Variants in TPM2 observed in about 807,000 individuals in gnomAD.
The protein encoded by TPM2 is tropomyosin 2.
In TPM2, 26 loss-of-function variants were observed where a neutral mutation model predicts 41.0. That is an observed-to-expected ratio of 0.63 (90% CI 0.46 to 0.88). The LOEUF (loss-of-function observed/expected upper bound fraction) is 0.88. Ranked by LOEUF, TPM2 falls within the 40% of genes least tolerant of loss-of-function variation. TPM2 has a pLI of 0.00. For synonymous variants in TPM2, 143 were observed against 139.3 expected (o/e 1.03, Z -0.19); for missense variants, 187 against 355.2 (o/e 0.53, Z 3.81).
At chr9:35,689,400 A>G in intron 1 of TPM2, 129 bp from the exon 2 acceptor site, 1 of 1,495,230 alleles carries the variant, frequency 6.7e-7, no homozygotes, top group Middle Eastern at 2.4e-4. Flanking sequence ...CATAAAAGGG[A>G]CAGTACAGTC....
intron 8 of TPM2, 51 bp downstream of exon 8, chr9:35,684,195 C>T: frequency 6.3e-7 from 1 of 1,577,892 alleles, no homozygotes. Flanking sequence ...AGGTACAGGA[C>T]AGACTGATAA....
intron 2 of TPM2, among the ~76,000 whole-genome samples, chr9:35,687,847 C>T (rs1202011106): frequency 6.6e-6 from 1 of 152,172 alleles, no homozygotes; most frequent in Admixed American, 6.5e-5. Flanking sequence ...TTTCCTGCCT[C>T]TCAAGCTCTT....
intron 8 of TPM2, among the ~76,000 whole-genome samples, chr9:35,683,686 A>T (rs778063027): frequency 1.3e-4 from 20 of 152,382 alleles, no homozygotes; most frequent in Middle Eastern, 3.4e-3. Flanking sequence ...AACTTTAGCC[A>T]CATCATCATT....
chr9:35,682,594 C>T, downstream of TPM2: 1 of 1,255,872 alleles, frequency 8.0e-7, no homozygotes. Flanking sequence ...AGACCTTTTG[C>T]AACCTTCTTG....
At chr9:35,689,604 A>C (rs1362755555) in intron 1 of TPM2, 100 bp downstream of exon 1, 9 of 1,589,314 alleles carry the variant, frequency 5.7e-6, no homozygotes, top group African/African-American at 1.3e-5. Context: ...TGGGTGAGAG[A>C]GAGCCTTGGC....
intron 8 of TPM2, 70 bp downstream of exon 8, chr9:35,684,176 G>A: frequency 1.3e-6 from 2 of 1,510,686 alleles, no homozygotes; most frequent in Non-Finnish European, 1.8e-6. Context: ...CAAATAAAAT[G>A]GGATGAGAAG....
chr9:35,684,224 T>C (rs768318280), intron 8 of TPM2, 22 bp downstream of exon 8: 2 of 1,612,340 alleles, frequency 1.2e-6, no homozygotes, highest in Admixed American at 3.3e-5. Context: ...GGTGTGGACC[T>C]ACTTATAAAG....
In TPM2 at chr9:35,682,960, G is replaced by A. The variant is rs965743785; in HGVS notation, c.*199C>T. On this transcript the variant is annotated 3_prime_UTR_variant, in exon 9 of 9. Coordinates refer to ENST00000645482, the MANE Select transcript of TPM2 (RefSeq NM_003289.4). ...AGTTCAGAATTTATTAAGCAGCAAA[G>A]GAGGGTGGAAGGGGATAGGTAAAGG... 1.7e-4 allele frequency: 252 copies of A among 1,516,672 alleles called. 1 individual carries two copies. The East Asian group carries it at 6.1e-3, about 37-fold the overall frequency. The allele number at this position is 1,516,672 out of a possible 1,614,324, so 94.0% of individuals were successfully genotyped here.
intron 5 of TPM2, 21 bp from the exon 6 acceptor site, chr9:35,684,828 G>GT (rs1457501801): frequency 3.1e-6 from 5 of 1,613,546 alleles, no homozygotes; most frequent in Non-Finnish European, 3.4e-6. Flanking sequence ...TGTGTGGCGG[G>GT]GGGGGCAGGG....
rs1340244870 is a variant in TPM2, at chr9:35,683,094, T to A, written c.*65A>T. ...TTTCTGCTCCTCCTGCCTGCTCCCC[T>A]CCCCATAGAGAGAATGGAAAGGAGA... On this transcript the variant is annotated 3_prime_UTR_variant, in exon 9 of 9. Transcript: ENST00000645482. The A allele has an allele frequency of 6.4e-6, 10 of 1,551,520 alleles. No homozygotes were observed. Among genetic ancestry groups the A allele is most frequent in the Non-Finnish European group, 8.7e-6 (10 of 1,146,958 alleles).
chr9:35,687,576 TCTTC>T (rs1824994222), intron 2 of TPM2, among the ~76,000 whole-genome samples: 1 of 151,904 alleles, frequency 6.6e-6, no homozygotes, highest in Non-Finnish European at 1.5e-5. Context: ...TGGTAGCTTG[TCTTC>T]CAGGTGCTGA....
downstream of TPM2, chr9:35,682,544 CCATGTTGCTGATATCCAA>C: frequency 8.0e-7 from 1 of 1,247,352 alleles, no homozygotes; most frequent in South Asian, 1.5e-5. Flanking sequence ...AGTGAAAGCC[CCATGTTGCTGATATCCAA>C]CATTTTTCCA....
At chr9:35,682,035 T>G, downstream of TPM2, 1 of 1,596,840 alleles carries the variant, frequency 6.3e-7, no homozygotes, top group Non-Finnish European at 8.6e-7. Context: ...TCAGTTTTAT[T>G]GGGTTGGGGT....
chr9:35,684,824 G>GA lies in TPM2; in HGVS notation c.564-18_564-17insT. ...CCACATTTACTGCAGGGGGTGTGTGGCGGGGGGGGCAGGGTGTGAGGGCAC... is the reference window on the plus strand; with the variant it reads ...CCACATTTACTGCAGGGGGTGTGTGGACGGGGGGGGCAGGGTGTGAGGGCAC... On this transcript the variant is annotated splice_polypyrimidine_tract_variant and intron_variant, in intron 5 of 8. Coordinates refer to ENST00000645482, the MANE Select transcript of TPM2 (RefSeq NM_003289.4). The GA allele has an allele frequency of 6.4e-7, 1 of 1,551,448 alleles. No homozygotes were observed. The highest frequency in any genetic ancestry group is 8.7e-7 in the Non-Finnish European group (1 of 1,152,032).
chr9:35,686,636 CAA>C (rs11408936), intron 2 of TPM2, among the ~76,000 whole-genome samples: 4 of 104,358 alleles, frequency 3.8e-5, no homozygotes, highest in African/African-American at 3.9e-5. Flanking sequence ...GATCCCATCT[CAA>C]AAAAAAAAAA....
chr9:35,689,493 G>C (rs1825127783), intron 1 of TPM2: 1 of 866,948 alleles, frequency 1.2e-6, no homozygotes, highest in Non-Finnish European at 1.4e-6. Flanking sequence ...TGCAAAGGCA[G>C]AGTGGAAACC....
chr9:35,684,620 T>A, intron 6 of TPM2, 70 bp from the exon 7 acceptor site: 1 of 1,613,358 alleles, frequency 6.2e-7, no homozygotes, highest in East Asian at 2.2e-5. Context: ...TTGTACCCCG[T>A]AGGCTCCTGG....
At chr9:35,684,098 G>A in intron 8 of TPM2, 148 bp downstream of exon 8, 3 of 766,242 alleles carry the variant, frequency 3.9e-6, no homozygotes, top group East Asian at 2.6e-5. Flanking sequence ...TACTTGAATT[G>A]TAGACATGGC....
At position 35,689,748 on chromosome 9, in the gene TPM2, G is replaced by A. The variant is rs201987709; in HGVS notation, c.70C>T (p.Gln24Ter). 24 of 1,613,686 alleles carry A rather than the reference G, an allele frequency of 1.5e-5. No individual in the cohort carries two copies. The highest frequency in any genetic ancestry group is 1.9e-5 in the Non-Finnish European group (23 of 1,179,772). Reference sequence around the variant, plus strand: ...GCTTGCTTCTTGTCGGCTTCGGCCTGCTCGGCGCGGTCGATGGCGTTCTCC... The same window carrying A: ...GCTTGCTTCTTGTCGGCTTCGGCCTACTCGGCGCGGTCGATGGCGTTCTCC... ...DKENAIDRAE[Q>*]AEADKKQAED... Residue 24 changes from glutamine (Q) to a stop codon, truncating the protein, a stop_gained, in exon 1 of 9, where the codon CAG (glutamine) becomes TAG (stop). Coordinates refer to ENST00000645482, the MANE Select transcript of TPM2 (RefSeq NM_003289.4). LOFTEE classifies it high-confidence loss of function.
Sources: gnomAD v4.1 joint callset for allele counts (sites outside exome capture counted in the v4.1 genomes callset) on GRCh38, gnomAD v4.1.1 for gene constraint, MANE v1.5 for transcripts, NCBI Gene and HGNC (gene_info 2026-07-23, HGNC 2026-07-21) for gene names.